Variants in JMJD1C observed in about 807,000 individuals in gnomAD.
JMJD1C encodes the protein jumonji domain containing 1C, also known as jumonji domain-containing protein 1C.
A neutral mutation model predicts 245.3 loss-of-function variants in JMJD1C; 31 were observed. The ratio of observed to expected loss-of-function variants is 0.13; its 90% CI spans 0.09 to 0.17. The LOEUF is 0.17. Among genes scored for constraint, JMJD1C ranks in the 10% least tolerant of loss-of-function variants. The pLI, the probability that JMJD1C is intolerant of heterozygous loss-of-function variation, is 1.00. For missense variants in JMJD1C, 2,691 were observed against 3,000.2 expected, an observed-to-expected ratio of 0.90 and a Z score of 2.41; for synonymous variants, 1,057 against 1,017.4, an observed-to-expected ratio of 1.04 and a Z score of -0.74.
At chr10:63,445,862 ATTTT>A (rs56316223) in intron 1 of JMJD1C, among the ~76,000 whole-genome samples, 14,645 of 75,168 alleles carry the variant, frequency 0.19, 1,424 homozygotes, top group Non-Finnish European at 0.26. Flanking sequence ...TGGGATCTGA[ATTTT>A]TTTTTTTTTT....
chr10:63,519,393 G>T (rs1484384860), intron 1 of JMJD1C, among the ~76,000 whole-genome samples: 1 of 152,210 alleles, frequency 6.6e-6, no homozygotes, highest in Non-Finnish European at 1.5e-5. Context: ...GTACGTGGCT[G>T]AAATTTTTTA....
chr10:63,257,108 G>A (rs1854053072), intron 3 of JMJD1C, among the ~76,000 whole-genome samples: 1 of 151,354 alleles, frequency 6.6e-6, no homozygotes, highest in Non-Finnish European at 1.5e-5. Flanking sequence ...GTGGTGGCTC[G>A]CACCTGTAGT....
At chr10:63,403,471 T>C (rs1016489704) in intron 1 of JMJD1C, among the ~76,000 whole-genome samples, 10 of 152,228 alleles carry the variant, frequency 6.6e-5, no homozygotes, top group African/African-American at 2.2e-4. Context: ...ACCAGAGACA[T>C]TGAACACAAT....
At chr10:63,474,126 A>G (rs200506503) in intron 1 of JMJD1C, among the ~76,000 whole-genome samples, 3 of 148,990 alleles carry the variant, frequency 2.0e-5, no homozygotes, top group African/African-American at 4.9e-5. Flanking sequence ...AAATAAATAA[A>G]TAACTTCTGG....
At chr10:63,365,249 T>A (rs778131005) in intron 2 of JMJD1C, among the ~76,000 whole-genome samples, 14 of 152,250 alleles carry the variant, frequency 9.2e-5, no homozygotes, top group Admixed American at 5.2e-4. Flanking sequence ...TATAAACTTT[T>A]ATTCTATAAC....
chr10:63,279,747 C>A (rs564290025), intron 2 of JMJD1C, among the ~76,000 whole-genome samples: 2 of 152,284 alleles, frequency 1.3e-5, no homozygotes, highest in African/African-American at 2.4e-5. Flanking sequence ...CAAAGCAAGA[C>A]CCTGCCTCTA....
At chr10:63,392,867 A>AACACACACACACAC (rs34778084) in intron 1 of JMJD1C, among the ~76,000 whole-genome samples, 1,388 of 112,210 alleles carry the variant, frequency 0.012, 14 homozygotes, top group Non-Finnish European at 0.015. Context: ...AAAGTACATA[A>AACACACACACACAC]ACACACACAC....
rs1564760683 is a variant in JMJD1C, at chr10:63,305,378, AAAAAAC to A, written c.334-40620_334-40615del. On this transcript the variant is annotated intron_variant, in intron 2 of 25. Transcript: ENST00000399262. ...CAAGACTCCACCTCAAAAAAAAAACAAAAAACAAAAAAGGTTGCAGTGAGCTCTAAT... is the reference window on the plus strand; with the variant it reads ...CAAGACTCCACCTCAAAAAAAAAACAAAAAAAGGTTGCAGTGAGCTCTAAT... 7.1e-3 allele frequency among the ~76,000 whole-genome samples: 313 copies of A among 44,360 alleles called. 14 individuals carry two copies. Among genetic ancestry groups the A allele is most frequent in the Non-Finnish European group, 0.016 (182 of 11,208 alleles). The allele number at this position is 44,360 out of a possible 152,430, so 29.1% of individuals were successfully genotyped here. A position where few individuals can be genotyped will look rare whatever the true frequency, so the allele number is the denominator to read the frequency against.
intron 2 of JMJD1C, among the ~76,000 whole-genome samples, chr10:63,352,957 G>A (rs1944490544): frequency 6.6e-6 from 1 of 152,102 alleles, no homozygotes; most frequent in South Asian, 2.1e-4. Flanking sequence ...ACTAATGGAG[G>A]AATGGTATTG....
At chr10:63,328,792 T>C (rs763141900) in intron 2 of JMJD1C, among the ~76,000 whole-genome samples, 1 of 152,250 alleles carries the variant, frequency 6.6e-6, no homozygotes, top group Non-Finnish European at 1.5e-5. Context: ...GTTTAATATG[T>C]ACTTTAACTT....
In JMJD1C at chr10:63,305,377, C is replaced by CAAA. The variant is rs200146505; in HGVS notation, c.334-40616_334-40614dup. 8.2e-5 allele frequency among the ~76,000 whole-genome samples: 9 copies of CAAA among 109,624 alleles called. 2 individuals carry two copies. Among genetic ancestry groups the CAAA allele is most frequent in the Admixed American group, 1.9e-4 (2 of 10,436 alleles). The allele number at this position is 109,624 out of a possible 152,430, so 71.9% of individuals were successfully genotyped here. A position where few individuals can be genotyped will look rare whatever the true frequency, so the allele number is the denominator to read the frequency against. Reference sequence around the variant, plus strand: ...GCAAGACTCCACCTCAAAAAAAAAACAAAAAACAAAAAAGGTTGCAGTGAG... The same window carrying CAAA: ...GCAAGACTCCACCTCAAAAAAAAAACAAAAAAAAACAAAAAAGGTTGCAGTGAG... On this transcript the variant is annotated intron_variant, in intron 2 of 25. Transcript: ENST00000399262.
chr10:63,230,768 G>C (rs772682062), intron 3 of JMJD1C, among the ~76,000 whole-genome samples: 1 of 148,260 alleles, frequency 6.7e-6, no homozygotes, highest in Non-Finnish European at 1.5e-5. Context: ...GAGTGAGACT[G>C]TCCCCCCCCC....
chr10:63,286,312 A>T (rs1857973522), intron 2 of JMJD1C, among the ~76,000 whole-genome samples: 1 of 152,188 alleles, frequency 6.6e-6, no homozygotes, highest in Admixed American at 6.5e-5. Flanking sequence ...TGTAACTTAC[A>T]CTGAGGGTGG....
At chr10:63,223,132 C>A (rs370672095) in intron 3 of JMJD1C, 492 of 414,136 alleles carry the variant, frequency 1.2e-3, no homozygotes, top group Middle Eastern at 2.2e-3. Flanking sequence ...AAATTATCTG[C>A]AAAAAAAAAA....
chr10:63,380,452 C>T lies in JMJD1C; in HGVS notation c.199G>A (p.Asp67Asn). ...TAAACTTTAACCCACTCTCGTTTAT[C>T]CCATTCAAGATCATCAAATTCCACA... ...VYVEFDDLEW[D>N]KREWVKVYED... The change falls in exon 2 of 26, where the codon GAT becomes AAT. Residue 67 changes from aspartate (D) to asparagine (N), a missense_variant. Around this residue, in one of 9 missense-constraint regions of JMJD1C, gnomAD observed 135 missense variants for 115.5 expected, o/e 1.17. Coordinates refer to ENST00000399262, the MANE Select transcript of JMJD1C (RefSeq NM_032776.3). The T allele has an allele frequency of 6.2e-7, 1 of 1,613,586 alleles. No individual in the cohort carries two copies. The highest frequency in any genetic ancestry group is 1.3e-5 in the African/African-American group (1 of 74,932).
chr10:63,238,765 G>A (rs1026474159), intron 3 of JMJD1C, among the ~76,000 whole-genome samples: 1 of 152,164 alleles, frequency 6.6e-6, no homozygotes, highest in South Asian at 2.1e-4. Context: ...AATTATGTTT[G>A]AAATAGTCTA....
chr10:63,364,189 T>G (rs1469559785), intron 2 of JMJD1C, among the ~76,000 whole-genome samples: 4 of 151,982 alleles, frequency 2.6e-5, no homozygotes, highest in African/African-American at 9.7e-5. Context: ...TTAACTTTTA[T>G]GTACAGATGA....
chr10:63,447,955 A>AAG (rs959945003), intron 1 of JMJD1C, among the ~76,000 whole-genome samples: 2 of 151,862 alleles, frequency 1.3e-5, no homozygotes, highest in East Asian at 3.9e-4. Flanking sequence ...TAAAAATAAA[A>AAG]AGAGAGAGAG....
At chr10:63,324,815 G>A (rs80114836) in intron 2 of JMJD1C, among the ~76,000 whole-genome samples, 23 of 152,294 alleles carry the variant, frequency 1.5e-4, no homozygotes, top group Admixed American at 2.6e-4. Flanking sequence ...GTCACTGCAT[G>A]TAAGTCTAAT....
Sources: allele counts gnomAD v4.1 joint callset (sites outside exome capture counted in the v4.1 genomes callset), GRCh38; gene constraint gnomAD v4.1.1; regional missense constraint gnomAD v4.1.1; transcripts MANE v1.5; gene names NCBI Gene and HGNC (gene_info 2026-07-23, HGNC 2026-07-21).